The following CNTN3 variants were observed in gnomAD, a reference collection of about 807,000 sequenced individuals.
CNTN3 encodes the protein contactin-3.
In CNTN3, 60 loss-of-function variants were observed where a neutral mutation model predicts 119.1. The observed-to-expected ratio is 0.50, with a 90% CI of 0.41 to 0.62. The LOEUF is 0.62. CNTN3 is among the 20% of genes least tolerant of loss of function. CNTN3 has a pLI of 0.00. For synonymous variants in CNTN3, 450 were observed against 438.7 expected (o/e 1.03, Z -0.32); for missense variants, 1,101 against 1,242.4 (o/e 0.89, Z 1.71).
rs1313571200 is a variant in CNTN3, at chr3:74,297,973, C to T, written c.2385G>A (p.Val795=). 6.2e-7 allele frequency: 1 copy of T among 1,612,746 alleles called. No homozygotes were observed. The highest frequency in any genetic ancestry group is 1.3e-5 in the African/African-American group (1 of 74,890). ...TTTCCATACCTTCTTCTGCAGAGAA[C>T]ACTGTTGTCACTGGGCTAAATGGTC... ...GEGPFSPVTT[V]FSAEEEPTVA... The change falls in exon 18 of 23, where the codon GTG becomes GTA. Residue 795 remains valine (V), a synonymous_variant. Coordinates refer to ENST00000263665, the MANE Select transcript of CNTN3 (RefSeq NM_020872.3).
At chr3:74,603,706 C>G in intron 1 of CNTN3, among the ~76,000 whole-genome samples, 1 of 151,822 alleles carries the variant, frequency 6.6e-6, no homozygotes, top group East Asian at 1.9e-4. Context: ...CGTTTATGGA[C>G]TAGAAGAAAT....
intron 13 of CNTN3, among the ~76,000 whole-genome samples, chr3:74,310,800 G>A (rs1702667727): frequency 6.6e-6 from 1 of 152,198 alleles, no homozygotes; most frequent in Non-Finnish European, 1.5e-5. Flanking sequence ...GTAAGAGCAT[G>A]TTGGATAAGA....
chr3:74,440,118 G>A (rs1000991630), intron 4 of CNTN3, among the ~76,000 whole-genome samples: 2 of 152,090 alleles, frequency 1.3e-5, no homozygotes, highest in Admixed American at 6.5e-5. Context: ...GTTCCTGTAA[G>A]TTTTTTCAAA....
chr3:74,392,160 T>A lies in CNTN3; in HGVS notation c.455-20761A>T, dbSNP rs1160815695. Reference sequence around the variant, plus strand: ...AGAAAAAAACAACAGTGAGAGAACATATAAACTAGGTTCCAAGAATGTGAA... The same window carrying A: ...AGAAAAAAACAACAGTGAGAGAACAAATAAACTAGGTTCCAAGAATGTGAA... On this transcript the variant is annotated intron_variant, in intron 5 of 22. Transcript: ENST00000263665. Among the ~76,000 whole-genome samples, 2 of 152,122 alleles carry A rather than the reference T, an allele frequency of 1.3e-5. 1 individual carries two copies.
chr3:74,556,331 A>G (rs1704068910), intron 1 of CNTN3, among the ~76,000 whole-genome samples: 1 of 152,122 alleles, frequency 6.6e-6, no homozygotes, highest in African/African-American at 2.4e-5. Flanking sequence ...AGTCACCAGA[A>G]ACCATTCATT....
At chr3:74,581,144 T>G (rs1008166915) in intron 1 of CNTN3, among the ~76,000 whole-genome samples, 1 of 152,054 alleles carries the variant, frequency 6.6e-6, no homozygotes, top group Non-Finnish European at 1.5e-5. Context: ...GAGTAGTAAG[T>G]CAAACTAAGA....
chr3:74,573,971 T>C (rs1186290602), intron 1 of CNTN3, among the ~76,000 whole-genome samples: 1 of 151,990 alleles, frequency 6.6e-6, no homozygotes, highest in African/African-American at 2.4e-5. Flanking sequence ...AAACTGAAAA[T>C]ACATATTTAC....
At chr3:74,365,802 C>A in intron 8 of CNTN3, 100 bp from the exon 9 acceptor site, 1 of 1,309,118 alleles carries the variant, frequency 7.6e-7, no homozygotes, top group Non-Finnish European at 1.0e-6. Context: ...TAGAAATGGA[C>A]ATGATAATGA....
At chr3:74,582,302 A>T (rs570538799) in intron 1 of CNTN3, among the ~76,000 whole-genome samples, 29 of 152,058 alleles carry the variant, frequency 1.9e-4, no homozygotes, top group Admixed American at 4.6e-4. Flanking sequence ...GCTACTTGAG[A>T]GGCTGAGGCA....
intron 5 of CNTN3, among the ~76,000 whole-genome samples, chr3:74,420,127 C>T (rs1178255654): frequency 6.6e-6 from 1 of 152,128 alleles, no homozygotes; most frequent in African/African-American, 2.4e-5. Context: ...TGGGAGGTGG[C>T]AGAAAATGAC....
intron 1 of CNTN3, among the ~76,000 whole-genome samples, chr3:74,534,917 G>A (rs777252977): frequency 6.6e-6 from 1 of 151,930 alleles, no homozygotes; most frequent in Non-Finnish European, 1.5e-5. Context: ...AGTAAAATGG[G>A]AATGGTATGC....
At chr3:74,308,950 T>C (rs1267125839) in intron 13 of CNTN3, among the ~76,000 whole-genome samples, 1 of 152,152 alleles carries the variant, frequency 6.6e-6, no homozygotes, top group Non-Finnish European at 1.5e-5. Flanking sequence ...AAATAGACAC[T>C]GTCCAAAATA....
intron 11 of CNTN3, among the ~76,000 whole-genome samples, chr3:74,354,339 T>C (rs1703884826): frequency 6.6e-6 from 1 of 152,066 alleles, no homozygotes; most frequent in Non-Finnish European, 1.5e-5. Context: ...AAATGAAGGA[T>C]CCCATTTAAA....
At chr3:74,460,039 CT>C (rs1702337193) in intron 4 of CNTN3, among the ~76,000 whole-genome samples, 1 of 152,022 alleles carries the variant, frequency 6.6e-6, no homozygotes, top group South Asian at 2.1e-4. Flanking sequence ...AATGAAATGT[CT>C]CTGCATCTTT....
At chr3:74,378,001 C>T (rs1337729552) in intron 5 of CNTN3, among the ~76,000 whole-genome samples, 2 of 152,162 alleles carry the variant, frequency 1.3e-5, no homozygotes, top group Non-Finnish European at 2.9e-5. Context: ...AACAAAATTG[C>T]AGTTAGGCAA....
intron 5 of CNTN3, among the ~76,000 whole-genome samples, chr3:74,406,455 T>G (rs975413838): frequency 7.9e-5 from 12 of 152,070 alleles, no homozygotes; most frequent in Non-Finnish European, 1.5e-4. Context: ...TTACCTTTGT[T>G]ATTTAAACAT....
chr3:74,431,991 G>A (rs1701791501), intron 4 of CNTN3, among the ~76,000 whole-genome samples: 1 of 151,934 alleles, frequency 6.6e-6, no homozygotes, highest in Non-Finnish European at 1.5e-5. Flanking sequence ...CTATCCAGTA[G>A]TGATAATTTG....
chr3:74,361,175 C>T (rs1260954238), intron 11 of CNTN3, among the ~76,000 whole-genome samples: 1 of 151,936 alleles, frequency 6.6e-6, no homozygotes, highest in Non-Finnish European at 1.5e-5. Context: ...CAGTAACAGC[C>T]AATACTTACG....
chr3:74,509,970 C>A (rs1029204514), intron 2 of CNTN3, among the ~76,000 whole-genome samples: 2 of 151,470 alleles, frequency 1.3e-5, no homozygotes, highest in Non-Finnish European at 2.9e-5. Flanking sequence ...AGATAGTGAC[C>A]ATATTTAACA....
Sources: allele counts gnomAD v4.1 joint callset (sites outside exome capture counted in the v4.1 genomes callset), GRCh38; gene constraint gnomAD v4.1.1; transcripts MANE v1.5; gene names NCBI Gene and HGNC (gene_info 2026-07-23, HGNC 2026-07-21).